ASIC2: variants seen among roughly 807,000 people sequenced by gnomAD.
ASIC2 encodes the protein acid-sensing ion channel 2.
A neutral mutation model predicts 57.3 loss-of-function variants in ASIC2; 25 were observed. The ratio of observed to expected loss-of-function variants is 0.44; its 90% CI spans 0.32 to 0.61. ASIC2 has a LOEUF of 0.61. Ranked by LOEUF, ASIC2 falls within the 20% of genes least tolerant of loss-of-function variation. ASIC2 has a pLI of 0.06. For missense variants in ASIC2, 641 were observed against 738.1 expected (o/e 0.87, Z 1.52); for synonymous variants, 319 against 307.5 (o/e 1.04, Z -0.39).
chr17:33,303,585 C>G (rs1906048642), intron 1 of ASIC2, among the ~76,000 whole-genome samples: 1 of 152,158 alleles, frequency 6.6e-6, no homozygotes, highest in Non-Finnish European at 1.5e-5. Context: ...CAACCTAGCC[C>G]CCTTTGTCTC....
intron 1 of ASIC2, among the ~76,000 whole-genome samples, chr17:33,326,365 A>T (rs1385595600): frequency 6.6e-6 from 1 of 152,190 alleles, no homozygotes; most frequent in Non-Finnish European, 1.5e-5. Flanking sequence ...CATCTTTCCC[A>T]ACTATCCCTC....
intron 2 of ASIC2, among the ~76,000 whole-genome samples, chr17:33,092,403 G>A (rs1171928549): frequency 6.6e-6 from 1 of 152,220 alleles, no homozygotes; most frequent in East Asian, 1.9e-4. Flanking sequence ...AGTAACAAAT[G>A]TAGACTGTTA....
intron 1 of ASIC2, among the ~76,000 whole-genome samples, chr17:33,124,929 A>G (rs1242938313): frequency 1.3e-5 from 2 of 152,228 alleles, no homozygotes; most frequent in Non-Finnish European, 2.9e-5. Flanking sequence ...GGGGGGCACA[A>G]CCTAGATCCC....
intron 1 of ASIC2, among the ~76,000 whole-genome samples, chr17:33,396,500 A>G (rs1035946013): frequency 1.1e-4 from 16 of 152,192 alleles, no homozygotes; most frequent in African/African-American, 3.9e-4. Flanking sequence ...AAATAAATTA[A>G]GTGATTTTCT....
chr17:33,318,593 C>G (rs1906747636), intron 1 of ASIC2, among the ~76,000 whole-genome samples: 5 of 152,166 alleles, frequency 3.3e-5, no homozygotes, highest in Admixed American at 6.5e-5. Context: ...TTTCTCATGA[C>G]TTTAATTAAG....
chr17:33,476,571 GTGTGTC>G (rs142987109), intron 1 of ASIC2, among the ~76,000 whole-genome samples: 195 of 137,530 alleles, frequency 1.4e-3, no homozygotes, highest in Admixed American at 3.4e-3. Context: ...GTGTGTGTGT[GTGTGTC>G]AGTTCTTGGA....
rs61324725 is a variant in ASIC2, at chr17:33,809,605, G to A, written c.555+346373C>T. ...CGTATCCTTAGTGCACATGGAACTC[G>A]TGAGTTGATGAGAGTGCATGGTGTA... On this transcript the variant is annotated intron_variant, in intron 1 of 9. Transcript: ENST00000359872. 5.3e-5 allele frequency among the ~76,000 whole-genome samples: 8 copies of A among 152,310 alleles called. No individual in the cohort carries two copies. In the East Asian group the frequency reaches 7.7e-4, roughly 15 times the overall value.
Position 34,054,131 on chromosome 17 carries a change from G to C in ASIC2, c.555+101847C>G, listed in dbSNP as rs1187591720. Among the ~76,000 whole-genome samples the C allele has an allele frequency of 2.6e-5, 4 of 152,344 alleles. No individual in the cohort carries two copies. In the East Asian group the frequency reaches 7.7e-4, roughly 29 times the overall value. ...GAATACTAACTCTGTAAATAATCTTGCATGTGCTCTAGTCCAGTTTCCTAA... is the reference window on the plus strand; with the variant it reads ...GAATACTAACTCTGTAAATAATCTTCCATGTGCTCTAGTCCAGTTTCCTAA... On this transcript the variant is annotated intron_variant, in intron 1 of 9. Transcript: ENST00000359872.
At chr17:33,150,994 C>A (rs946861787) in intron 1 of ASIC2, among the ~76,000 whole-genome samples, 1 of 151,914 alleles carries the variant, frequency 6.6e-6, no homozygotes, top group African/African-American at 2.4e-5. Context: ...AGCACCACTG[C>A]ACTCTAGCCT....
chr17:34,132,492 C>T (rs1912014440), intron 1 of ASIC2, among the ~76,000 whole-genome samples: 1 of 151,926 alleles, frequency 6.6e-6, no homozygotes, highest in South Asian at 2.1e-4. Flanking sequence ...CTTCAAGGGT[C>T]TTTCTTTTTT....
At position 33,888,620 on chromosome 17, in the gene ASIC2, G is replaced by A. The variant is rs558158324; in HGVS notation, c.555+267358C>T. 8.7e-4 allele frequency among the ~76,000 whole-genome samples: 132 copies of A among 152,078 alleles called. 1 individual carries two copies. The highest frequency in any genetic ancestry group is 1.3e-3 in the Non-Finnish European group (91 of 68,012). Reference sequence around the variant, plus strand: ...GCAGGGACCGGGGTGTGGTGAGACTGCTTTAGAAGAACCCAGGGGCCAAAG... The same window carrying A: ...GCAGGGACCGGGGTGTGGTGAGACTACTTTAGAAGAACCCAGGGGCCAAAG... On this transcript the variant is annotated intron_variant, in intron 1 of 9. Coordinates refer to the ASIC2 transcript ENST00000359872.
chr17:33,554,850 CT>C (rs1326470975), intron 1 of ASIC2, among the ~76,000 whole-genome samples: 2 of 152,078 alleles, frequency 1.3e-5, no homozygotes, highest in East Asian at 3.9e-4. Context: ...CTCAGTGAGA[CT>C]TTTAAGACTG....
intron 1 of ASIC2, among the ~76,000 whole-genome samples, chr17:33,738,707 A>T (rs1414416094): frequency 6.6e-6 from 1 of 152,090 alleles, no homozygotes; most frequent in African/African-American, 2.4e-5. Flanking sequence ...TAGGGTGGGG[A>T]CGTATAGGCA....
intron 1 of ASIC2, among the ~76,000 whole-genome samples, chr17:33,186,231 C>A (rs114797927): frequency 1.3e-5 from 2 of 152,128 alleles, no homozygotes; most frequent in East Asian, 3.9e-4. Flanking sequence ...CTGCCTCAGA[C>A]TCTCGAGTAG....
chr17:34,087,959 T>C (rs1910173269), intron 1 of ASIC2, among the ~76,000 whole-genome samples: 2 of 152,236 alleles, frequency 1.3e-5, no homozygotes, highest in Admixed American at 1.3e-4. Flanking sequence ...TTTTCAAAGT[T>C]TTTAACTTCT....
intron 1 of ASIC2, among the ~76,000 whole-genome samples, chr17:33,719,599 G>A (rs1345683007): frequency 1.3e-5 from 2 of 152,238 alleles, no homozygotes; most frequent in Admixed American, 6.5e-5. Flanking sequence ...TGTCAGCAAC[G>A]TGAGAGGTGG....
At chr17:33,881,963 A>G (rs897084520) in intron 1 of ASIC2, among the ~76,000 whole-genome samples, 9 of 152,170 alleles carry the variant, frequency 5.9e-5, no homozygotes, top group Admixed American at 4.6e-4. Flanking sequence ...CCCCACATCT[A>G]CAACCATCTG....
At chr17:33,227,359 A>G (rs922641425) in intron 1 of ASIC2, among the ~76,000 whole-genome samples, 1 of 152,170 alleles carries the variant, frequency 6.6e-6, no homozygotes, top group African/African-American at 2.4e-5. Flanking sequence ...AGACATTCCC[A>G]GGCCCCTCCT....
chr17:33,611,666 T>C (rs1438528380), intron 1 of ASIC2, among the ~76,000 whole-genome samples: 1 of 152,196 alleles, frequency 6.6e-6, no homozygotes, highest in African/African-American at 2.4e-5. Context: ...AGCAAGATCT[T>C]CTCATGGCAG....
Sources: allele counts gnomAD v4.1 joint callset (sites outside exome capture counted in the v4.1 genomes callset), GRCh38; gene constraint gnomAD v4.1.1; transcripts MANE v1.5; gene names NCBI Gene and HGNC (gene_info 2026-07-23, HGNC 2026-07-21).